The following TMEM67 variants were observed in gnomAD, a reference collection of about 807,000 sequenced individuals.
TMEM67 encodes the protein meckelin.
Under a neutral mutation model 136.6 loss-of-function variants are expected in TMEM67, and 124 were observed. That is an observed-to-expected ratio of 0.91 (90% confidence interval 0.78 to 1.05). The LOEUF is 1.05. TMEM67 is among the 50% of genes least tolerant of loss of function. TMEM67 has a pLI of 0.00. For synonymous variants in TMEM67, 364 were observed against 390.5 expected (o/e 0.93, Z 0.80); for missense variants, 1,107 against 1,178.4 (o/e 0.94, Z 0.89).
At chr8:93,768,868 G>A (rs1057010097) in intron 6 of TMEM67, among the ~76,000 whole-genome samples, 2 of 152,034 alleles carry the variant, frequency 1.3e-5, no homozygotes, top group African/African-American at 4.8e-5. Context: ...TTCTTTGATA[G>A]GTGGGTAGGG....
chr8:93,799,904 C>A (rs1359335055), intron 21 of TMEM67, 146 bp downstream of exon 21: 86 of 347,416 alleles, frequency 2.5e-4, no homozygotes, highest in Non-Finnish European at 3.8e-4. Context: ...ATGGTCAGTT[C>A]TTTTTTTTTT....
chr8:93,779,627 C>G (rs2130657265), intron 7 of TMEM67, among the ~76,000 whole-genome samples: 1 of 152,292 alleles, frequency 6.6e-6, no homozygotes, highest in East Asian at 1.9e-4. Context: ...TCTAACAGGT[C>G]CCTCAGCTGC....
intron 2 of TMEM67, chr8:93,757,116 T>G (rs958922593): frequency 6.6e-6 from 1 of 151,074 alleles, no homozygotes; most frequent in Non-Finnish European, 1.5e-5. Context: ...AATAAATAAA[T>G]AAATAAATAA....
At chr8:93,797,764 C>T (rs1814686506) in intron 20 of TMEM67, among the ~76,000 whole-genome samples, 1 of 152,020 alleles carries the variant, frequency 6.6e-6, no homozygotes. Context: ...GGCGGATCAC[C>T]TGAGGTTGGA....
chr8:93,785,454 A>C, intron 12 of TMEM67, 76 bp downstream of exon 12: 1 of 1,403,964 alleles, frequency 7.1e-7, no homozygotes, highest in Non-Finnish European at 1.0e-6. Context: ...ATAATTTAAT[A>C]AACCACTGAT....
chr8:93,763,975 A>G (rs1354573401), intron 4 of TMEM67, 34 bp downstream of exon 4: 3 of 1,244,906 alleles, frequency 2.4e-6, no homozygotes, highest in East Asian at 2.3e-5. Flanking sequence ...CTTCATTAAT[A>G]TCATCTTATA....
At chr8:93,814,652 CTTT>C (rs1298820889) in intron 26 of TMEM67, among the ~76,000 whole-genome samples, 6 of 138,556 alleles carry the variant, frequency 4.3e-5, no homozygotes, top group Non-Finnish European at 3.2e-5. Flanking sequence ...TTCTTTCTTT[CTTT>C]TTTTTTTTTT....
At chr8:93,778,611 T>C (rs962118018) in intron 7 of TMEM67, among the ~76,000 whole-genome samples, 2 of 152,356 alleles carry the variant, frequency 1.3e-5, no homozygotes, top group Non-Finnish European at 2.9e-5. Context: ...CCTTCACTTA[T>C]GAAGCTTAGT....
At chr8:93,781,837 C>T in intron 10 of TMEM67, 93 bp downstream of exon 10, 1 of 635,352 alleles carries the variant, frequency 1.6e-6, no homozygotes, top group Non-Finnish European at 2.7e-6. Flanking sequence ...AATAAAGCAT[C>T]AGTTACATAC....
intron 13 of TMEM67, among the ~76,000 whole-genome samples, chr8:93,787,196 C>A (rs945175536): frequency 4.0e-5 from 6 of 151,738 alleles, no homozygotes; most frequent in Non-Finnish European, 8.8e-5. Flanking sequence ...ACTAATGCAT[C>A]GAATTTGGCA....
At position 93,795,583 on chromosome 8, in the gene TMEM67, T is replaced by C. The variant is rs544475172; in HGVS notation, c.1773+76T>C. ...AAGCTTTCTTTATAAAGGAACTATT[T>C]TTATTTGAGAGAATTTTTGATCAAC... On this transcript the variant is annotated intron_variant, in intron 17 of 27. Transcript: ENST00000453321. 7.0e-5 allele frequency: 90 copies of C among 1,293,508 alleles called. No homozygotes were observed. The African/African-American group carries it at 1.1e-3, about 16-fold the overall frequency. The allele number at this position is 1,293,508 out of a possible 1,614,324, so 80.1% of individuals were successfully genotyped here. A position where few individuals can be genotyped will look rare whatever the true frequency, so the allele number is the denominator to read the frequency against.
upstream of TMEM67, chr8:93,754,862 G>A: frequency 6.4e-7 from 1 of 1,554,896 alleles, no homozygotes; most frequent in Non-Finnish European, 8.9e-7. Flanking sequence ...CAGCGAAGCC[G>A]CCGCAGAGGC....
chr8:93,826,881 G>A, the TMEM67 span, among the ~76,000 whole-genome samples: 1 of 152,128 alleles, frequency 6.6e-6, no homozygotes, highest in Non-Finnish European at 1.5e-5. Context: ...CCAAGCTGGA[G>A]TGCAATGGTG....
intron 26 of TMEM67, among the ~76,000 whole-genome samples, chr8:93,810,433 A>T (rs1808657825): frequency 6.6e-6 from 1 of 151,956 alleles, no homozygotes; most frequent in South Asian, 2.1e-4. Context: ...TACAAAACTT[A>T]GCCAGGCATG....
At chr8:93,826,630 A>T in the TMEM67 span, among the ~76,000 whole-genome samples, 1 of 152,142 alleles carries the variant, frequency 6.6e-6, no homozygotes, top group African/African-American at 2.4e-5. Context: ...GGCTAAATCA[A>T]TTACACTTTC....
rs767999682 is a variant in TMEM67, at chr8:93,755,034, T to C, written c.120T>C (p.Ser40=). The C allele has an allele frequency of 8.8e-5, 142 of 1,614,096 alleles. No individual in the cohort carries two copies. The Middle Eastern group carries it at 9.9e-4, about 11-fold the overall frequency. The change falls in exon 1 of 28, where the codon TCT becomes TCC. Residue 40 remains serine, a synonymous_variant. Coordinates refer to ENST00000453321, the MANE Select transcript of TMEM67 (RefSeq NM_153704.6). The stretch of plus-strand genomic sequence containing the variant: ...GCTTCTTACAGGCCCAGACCTTCTC[T>C]TTCCCTTTCCAGCAGCCGGAGAAGT... ...LPRFLQAQTF[S]FPFQQPEKCD...
At chr8:93,800,000 C>A (rs1024314914) in intron 21 of TMEM67, among the ~76,000 whole-genome samples, 8 of 150,800 alleles carry the variant, frequency 5.3e-5, no homozygotes, top group African/African-American at 2.0e-4. Flanking sequence ...CTCTGCCTTC[C>A]GGGTTCAAGC....
At chr8:93,807,861 A>G (rs955590828) in intron 23 of TMEM67, among the ~76,000 whole-genome samples, 3 of 152,024 alleles carry the variant, frequency 2.0e-5, no homozygotes, top group Non-Finnish European at 2.9e-5. Flanking sequence ...ACCTTGAAGC[A>G]TCAATCAAAT....
At chr8:93,827,765 T>C in the TMEM67 span, among the ~76,000 whole-genome samples, 2 of 140,736 alleles carry the variant, frequency 1.4e-5, no homozygotes, top group Non-Finnish European at 3.1e-5. Context: ...GCTTCCCTTC[T>C]TTTTTTTTTT....
Sources: gnomAD v4.1 joint callset for allele counts (sites outside exome capture counted in the v4.1 genomes callset) on GRCh38, gnomAD v4.1.1 for gene constraint, MANE v1.5 for transcripts, NCBI Gene and HGNC (gene_info 2026-07-23, HGNC 2026-07-21) for gene names.